MTHFD1L: variants seen among roughly 807,000 people sequenced by gnomAD.
MTHFD1L encodes methylenetetrahydrofolate dehydrogenase (NADP+ dependent) 1 like, also known as monofunctional C1-tetrahydrofolate synthase, mitochondrial.
Under a neutral mutation model 119.5 loss-of-function variants are expected in MTHFD1L, and 81 were observed. That is an observed-to-expected ratio of 0.68 (90% CI 0.57 to 0.82). The LOEUF (loss-of-function observed/expected upper bound fraction) is 0.82. MTHFD1L is among the 40% of genes least tolerant of loss of function. MTHFD1L has a pLI of 0.00. For synonymous variants in MTHFD1L, 430 were observed against 475.2 expected (o/e 0.90, Z 1.24); for missense variants, 1,125 against 1,253.4 (o/e 0.90, Z 1.55).
chr6:151,053,340 G>A (rs1013725358), intron 26 of MTHFD1L, among the ~76,000 whole-genome samples: 5 of 152,116 alleles, frequency 3.3e-5, no homozygotes, highest in Non-Finnish European at 7.4e-5. Flanking sequence ...AAATCACAAT[G>A]ATAAGTGAAA....
intron 4 of MTHFD1L, among the ~76,000 whole-genome samples, chr6:150,881,273 C>T (rs1428107810): frequency 3.3e-5 from 5 of 152,080 alleles, no homozygotes; most frequent in African/African-American, 4.8e-5. Flanking sequence ...TAGAAGTGAG[C>T]GATGAGGGCC....
chr6:151,001,681 C>G (rs1289351546), intron 20 of MTHFD1L, among the ~76,000 whole-genome samples: 1 of 152,076 alleles, frequency 6.6e-6, no homozygotes, highest in African/African-American at 2.4e-5. Flanking sequence ...CCTCAGGAGG[C>G]CGGATTGCAG....
chr6:151,064,092 T>C (rs770327427), intron 26 of MTHFD1L, among the ~76,000 whole-genome samples: 1 of 152,182 alleles, frequency 6.6e-6, no homozygotes, highest in Non-Finnish European at 1.5e-5. Context: ...TCAAATTGTC[T>C]TTTAAAATAT....
intron 11 of MTHFD1L, chr6:150,935,407 T>C: frequency 1.2e-6 from 2 of 1,613,802 alleles, no homozygotes; most frequent in Non-Finnish European, 1.7e-6. Flanking sequence ...TTTCAGAAAT[T>C]GAGAAATTGT....
intron 8 of MTHFD1L, among the ~76,000 whole-genome samples, chr6:150,913,366 C>T (rs9478850): frequency 1.8e-4 from 27 of 152,004 alleles, no homozygotes; most frequent in African/African-American, 5.8e-4. Flanking sequence ...GGGGTTTCAC[C>T]GTGTTAGCCA....
intron 26 of MTHFD1L, among the ~76,000 whole-genome samples, chr6:151,055,538 G>T (rs374140119): frequency 0.078 from 9,887 of 127,126 alleles, 346 homozygotes; most frequent in Middle Eastern, 0.1. Context: ...TTTTTTTTTT[G>T]TTTTTGGAGA....
At chr6:151,052,384 GTCC>G (rs758971269) in intron 26 of MTHFD1L, among the ~76,000 whole-genome samples, 3 of 152,188 alleles carry the variant, frequency 2.0e-5, no homozygotes, top group Non-Finnish European at 2.9e-5. Flanking sequence ...CCCAATCCCT[GTCC>G]TGGAAGCTTA....
At chr6:150,916,915 C>G (rs1318770486) in intron 8 of MTHFD1L, among the ~76,000 whole-genome samples, 1 of 150,848 alleles carries the variant, frequency 6.6e-6, no homozygotes, top group Non-Finnish European at 1.5e-5. Context: ...GCATGTGCCA[C>G]CACGCCTGGC....
intron 1 of MTHFD1L, among the ~76,000 whole-genome samples, chr6:150,874,080 G>C (rs1779995484): frequency 6.6e-6 from 1 of 152,124 alleles, no homozygotes; most frequent in African/African-American, 2.4e-5. Context: ...ACCCAGCATA[G>C]CCAAATTAAC....
intron 13 of MTHFD1L, among the ~76,000 whole-genome samples, chr6:150,940,069 G>A (rs1034806527): frequency 2.6e-5 from 4 of 152,024 alleles, no homozygotes; most frequent in African/African-American, 9.7e-5. Context: ...TCTTTACCCA[G>A]TTTAGTCAAG....
At chr6:151,017,367 A>C (rs1400492371) in intron 24 of MTHFD1L, among the ~76,000 whole-genome samples, 2 of 142,960 alleles carry the variant, frequency 1.4e-5, no homozygotes, top group Non-Finnish European at 3.1e-5. Context: ...TTTTTTTGAG[A>C]TGGAGTTTCG....
At chr6:151,100,119 C>T (rs1466204602) in intron 27 of MTHFD1L, among the ~76,000 whole-genome samples, 2 of 151,202 alleles carry the variant, frequency 1.3e-5, no homozygotes, top group South Asian at 2.1e-4. Context: ...CTGCAAGCTC[C>T]GCCTCCCGGG....
Position 150,956,070 on chromosome 6 carries a change from A to T in MTHFD1L, c.1802A>T (p.Gln601Leu). 2 of 1,613,574 alleles carry T rather than the reference A, an allele frequency of 1.2e-6. No homozygotes were observed. The highest frequency in any genetic ancestry group is 1.1e-5 in the South Asian group (1 of 91,072). ...AACACAGAGAAGGGCCATTACCGGC[A>T]GGTAGGTGGTGCTTTCTTCCCGGGT... ...QGNTEKGHYR[Q>L]AQFDIAVASE... Residue 601 changes from glutamine (Q) to leucine (L), a missense_variant and splice_region_variant, in exon 17 of 28, where the codon CAG (glutamine) becomes CTG (leucine). Gln to Leu is a moderately radical substitution (Grantham distance 113, BLOSUM62 -2). Coordinates refer to ENST00000367321, the MANE Select transcript of MTHFD1L (RefSeq NM_015440.5).
intron 20 of MTHFD1L, among the ~76,000 whole-genome samples, chr6:151,004,587 T>C (rs1781127079): frequency 6.6e-6 from 1 of 152,174 alleles, no homozygotes; most frequent in Non-Finnish European, 1.5e-5. Flanking sequence ...GCTGCCTGGC[T>C]TTCCAGAATT....
intron 25 of MTHFD1L, 33 bp from the exon 26 acceptor site, chr6:151,036,932 A>T (rs757623418): frequency 6.2e-7 from 1 of 1,610,724 alleles, no homozygotes; most frequent in Non-Finnish European, 8.5e-7. Flanking sequence ...TAACATCTGT[A>T]TCAGTGAACA....
chr6:150,989,541 T>G (rs1309131077), intron 20 of MTHFD1L, among the ~76,000 whole-genome samples: 1 of 152,210 alleles, frequency 6.6e-6, no homozygotes, highest in Admixed American at 6.5e-5. Flanking sequence ...TTTTAAGTAA[T>G]AAAAGTTTTA....
intron 20 of MTHFD1L, among the ~76,000 whole-genome samples, chr6:151,006,119 G>A (rs1256718840): frequency 1.3e-5 from 2 of 151,352 alleles, no homozygotes; most frequent in Non-Finnish European, 2.9e-5. Context: ...TGTGGGAGAC[G>A]GCACGTCAGT....
At chr6:150,925,101 C>T (rs986055365) in intron 10 of MTHFD1L, among the ~76,000 whole-genome samples, 1 of 152,114 alleles carries the variant, frequency 6.6e-6, no homozygotes, top group Admixed American at 6.5e-5. Context: ...GCAGTAGCTA[C>T]AGAAACAGTC....
chr6:151,083,651 A>G (rs1169004232), intron 26 of MTHFD1L, among the ~76,000 whole-genome samples: 1 of 152,176 alleles, frequency 6.6e-6, no homozygotes, highest in Non-Finnish European at 1.5e-5. Context: ...CCCACTAGAG[A>G]GTTACCAAAG....
Sources: allele counts gnomAD v4.1 joint callset (sites outside exome capture counted in the v4.1 genomes callset), GRCh38; gene constraint gnomAD v4.1.1; transcripts MANE v1.5; gene names NCBI Gene and HGNC (gene_info 2026-07-23, HGNC 2026-07-21).